Variants in XRCC4 observed in about 807,000 individuals in gnomAD.
The protein encoded by XRCC4 is X-ray repair cross complementing 4.
In XRCC4, 28 loss-of-function variants were observed where a neutral mutation model predicts 39.1. The observed-to-expected ratio is 0.72, with a 90% CI of 0.53 to 0.98. XRCC4 has a LOEUF of 0.98. XRCC4 is among the 50% of genes least tolerant of loss of function. XRCC4 has a pLI of 0.00. For synonymous variants in XRCC4, 123 were observed against 126.4 expected (o/e 0.97, Z 0.18); for missense variants, 350 against 376.4 (o/e 0.93, Z 0.58).
chr5:83,281,925 GGACA>G (rs1202910927), intron 7 of XRCC4, among the ~76,000 whole-genome samples: 1 of 152,126 alleles, frequency 6.6e-6, no homozygotes, highest in Admixed American at 6.5e-5. Context: ...CTGACTGCCT[GGACA>G]GATCATTGTC....
the XRCC4 span, among the ~76,000 whole-genome samples, chr5:83,362,483 C>T: frequency 3.9e-5 from 6 of 152,182 alleles, no homozygotes; most frequent in African/African-American, 1.2e-4. Context: ...GATAGCTTTT[C>T]ATTTGCAACA....
At chr5:83,319,030 AG>A (rs1395530743) in intron 7 of XRCC4, among the ~76,000 whole-genome samples, 1 of 64,812 alleles carries the variant, frequency 1.5e-5, no homozygotes, top group Non-Finnish European at 2.7e-5. Flanking sequence ...GGAACAGAAC[AG>A]AACCCTCAGA....
At chr5:83,118,077 CAT>C (rs1321497945) in intron 3 of XRCC4, among the ~76,000 whole-genome samples, 2,782 of 49,746 alleles carry the variant, frequency 0.056, 79 homozygotes, top group African/African-American at 0.18. Flanking sequence ...CACACACACA[CAT>C]ATGTATATAG....
intron 3 of XRCC4, among the ~76,000 whole-genome samples, chr5:83,151,971 G>A (rs2112555491): frequency 6.6e-6 from 1 of 152,262 alleles, no homozygotes; most frequent in East Asian, 1.9e-4. Flanking sequence ...TGGGACTTTA[G>A]CCCCAAGAAG....
chr5:83,260,320 TTCAG>T (rs1753705974), intron 7 of XRCC4, among the ~76,000 whole-genome samples: 1 of 152,096 alleles, frequency 6.6e-6, no homozygotes, highest in Non-Finnish European at 1.5e-5. Flanking sequence ...AAGTACTTCA[TTCAG>T]TCAATTAGTA....
rs1430319385 is a variant in XRCC4, at chr5:83,281,504, GT to G, written c.893+22839del. 2.0e-3 allele frequency among the ~76,000 whole-genome samples: 264 copies of G among 132,290 alleles called. 3 individuals are homozygous for G. The East Asian group carries it at 0.042, about 21-fold the overall frequency. The allele number at this position is 132,290 out of a possible 152,430, so 86.8% of individuals were successfully genotyped here. ...TCGAGTTTGCACTGTTTTTTGTTTTGTTTTTTTTTTTTAATTTTGTACCATC... is the reference window on the plus strand; with the variant it reads ...TCGAGTTTGCACTGTTTTTTGTTTTGTTTTTTTTTTTAATTTTGTACCATC... On this transcript the variant is annotated intron_variant, in intron 7 of 7. Coordinates refer to ENST00000396027, the MANE Select transcript of XRCC4 (RefSeq NM_003401.5).
chr5:83,191,078 A>G (rs1580349768), intron 3 of XRCC4, among the ~76,000 whole-genome samples: 1 of 152,320 alleles, frequency 6.6e-6, no homozygotes, highest in East Asian at 1.9e-4. Flanking sequence ...GATAATTTGG[A>G]GGCTATGGAA....
chr5:83,303,155 G>A (rs1301515077), intron 7 of XRCC4, among the ~76,000 whole-genome samples: 1 of 149,210 alleles, frequency 6.7e-6, no homozygotes, highest in African/African-American at 2.5e-5. Flanking sequence ...GGAGGTTGCA[G>A]TGAGCCAAGA....
At chr5:83,186,456 C>T (rs1174476674) in intron 3 of XRCC4, among the ~76,000 whole-genome samples, 1 of 152,152 alleles carries the variant, frequency 6.6e-6, no homozygotes, top group Non-Finnish European at 1.5e-5. Flanking sequence ...CTGCTTTATT[C>T]GCACATCACC....
chr5:83,309,909 T>C (rs1580496073), intron 7 of XRCC4, among the ~76,000 whole-genome samples: 1 of 152,188 alleles, frequency 6.6e-6, no homozygotes, highest in East Asian at 1.9e-4. Context: ...AACTAATCTT[T>C]ATGTTATGGG....
At chr5:83,220,945 T>C (rs1171368935) in intron 6 of XRCC4, among the ~76,000 whole-genome samples, 12 of 152,198 alleles carry the variant, frequency 7.9e-5, no homozygotes. Context: ...TTTTAAATAA[T>C]TGATACAAAT....
At chr5:83,351,147 C>T (rs1757070684) in intron 7 of XRCC4, among the ~76,000 whole-genome samples, 2 of 152,172 alleles carry the variant, frequency 1.3e-5, no homozygotes, top group Non-Finnish European at 2.9e-5. Flanking sequence ...CCCCCGCTTC[C>T]TCCTTCTCCG....
At chr5:83,305,287 G>GT (rs142767376) in intron 7 of XRCC4, among the ~76,000 whole-genome samples, 5,700 of 151,002 alleles carry the variant, frequency 0.038, 335 homozygotes, top group African/African-American at 0.13. Context: ...GTAACTTCAG[G>GT]TTTTTTTTTG....
chr5:83,350,615 G>A (rs1757052110), intron 7 of XRCC4, among the ~76,000 whole-genome samples: 1 of 151,934 alleles, frequency 6.6e-6, no homozygotes, highest in Non-Finnish European at 1.5e-5. Flanking sequence ...TTAATGGGGT[G>A]ATTTGCTTTT....
At chr5:83,080,734 C>G (rs1395705880) in intron 1 of XRCC4, among the ~76,000 whole-genome samples, 1 of 152,042 alleles carries the variant, frequency 6.6e-6, no homozygotes, top group Admixed American at 6.5e-5. Flanking sequence ...TGCGTGTGTT[C>G]TAGGAATACT....
In XRCC4 at chr5:83,203,639, A is replaced by T; in HGVS notation, c.570A>T (p.Lys190Asn). 1.9e-6 allele frequency: 3 copies of T among 1,612,384 alleles called. No homozygotes were observed. Among genetic ancestry groups the T allele is most frequent in the Non-Finnish European group, 2.5e-6 (3 of 1,179,302 alleles). Residue 190 changes from lysine to asparagine, a missense_variant, in exon 5 of 8, where the codon AAA (lysine) becomes AAT (asparagine). Transcript: ENST00000396027. ...FILVLNEKKT[K>N]IRSLHNKLLN... ...TGGTGTTGAATGAGAAGAAAACAAAAATCAGAAGTTTGCATAATAAATTAT... is the reference window on the plus strand; with the variant it reads ...TGGTGTTGAATGAGAAGAAAACAAATATCAGAAGTTTGCATAATAAATTAT...
intron 1 of XRCC4, among the ~76,000 whole-genome samples, chr5:83,078,840 T>C (rs1424776865): frequency 6.6e-6 from 1 of 152,212 alleles, no homozygotes; most frequent in Non-Finnish European, 1.5e-5. Flanking sequence ...GATACAGTAC[T>C]CTCCACCTAA....
intron 6 of XRCC4, among the ~76,000 whole-genome samples, chr5:83,251,121 A>T (rs1376964955): frequency 6.6e-6 from 1 of 152,240 alleles, no homozygotes; most frequent in Non-Finnish European, 1.5e-5. Flanking sequence ...GCCTCTGCAT[A>T]GAATAGTTCA....
At chr5:83,117,449 T>C (rs1278508820) in intron 3 of XRCC4, among the ~76,000 whole-genome samples, 1 of 152,222 alleles carries the variant, frequency 6.6e-6, no homozygotes, top group Non-Finnish European at 1.5e-5. Context: ...TATCTCACTC[T>C]GTTTCTTTAG....
Sources: gnomAD v4.1 joint callset for allele counts (sites outside exome capture counted in the v4.1 genomes callset) on GRCh38, gnomAD v4.1.1 for gene constraint, MANE v1.5 for transcripts, NCBI Gene and HGNC (gene_info 2026-07-23, HGNC 2026-07-21) for gene names.